NBPF12: variants seen among roughly 807,000 people sequenced by gnomAD.
NBPF12 encodes the protein NBPF family member NBPF12.
Under a neutral mutation model 146.4 loss-of-function variants are expected in NBPF12, and 115 were observed. The observed-to-expected ratio is 0.79, with a 90% CI of 0.68 to 0.92. NBPF12 has a LOEUF of 0.92. Ranked by LOEUF, NBPF12 falls within the 40% of genes least tolerant of loss-of-function variation. NBPF12 has a pLI of 0.00. For missense variants in NBPF12, 1,205 were observed against 1,326.8 expected, an observed-to-expected ratio of 0.91 and a Z score of 1.43; for synonymous variants, 385 against 508.9, an observed-to-expected ratio of 0.76 and a Z score of 3.28.
chr1:146,970,827 G>A (rs1656559098), intron 12 of NBPF12, 108 bp downstream of exon 15: 2 of 1,087,080 alleles, frequency 1.8e-6, no homozygotes, highest in South Asian at 2.5e-5. Context: ...CATTCCCTTG[G>A]CCACAGTATG....
chr1:146,981,619 A>T (rs1284050664), intron 19 of NBPF12, among the ~76,000 whole-genome samples: 2 of 151,886 alleles, frequency 1.3e-5, no homozygotes, highest in African/African-American at 4.9e-5. Context: ...AGGTTGGGGA[A>T]GTCCTCCTGG....
At chr1:146,941,799 G>T (rs1274228862) in intron 1 of NBPF12, among the ~76,000 whole-genome samples, 8 of 142,156 alleles carry the variant, frequency 5.6e-5, no homozygotes, top group Admixed American at 3.5e-4. Flanking sequence ...AGAAATCAAT[G>T]CCTAGCCTAA....
chr1:146,958,318 T>C (rs1655698670), intron 2 of NBPF12, among the ~76,000 whole-genome samples: 1 of 133,634 alleles, frequency 7.5e-6, no homozygotes, highest in African/African-American at 2.6e-5. Context: ...TAAAACGATT[T>C]TGAGTGAAAT....
Position 146,971,404 on chromosome 1 carries a change from A to T in NBPF12, c.1591+10A>T. 6.2e-7 allele frequency: 1 copy of T among 1,605,906 alleles called. No homozygotes were observed. The highest frequency in any genetic ancestry group is 8.5e-7 in the Non-Finnish European group (1 of 1,175,586). The stretch of plus-strand genomic sequence containing the variant: ...CTAAACATTCTCCCAGGTAGCCTCT[A>T]TTTTCCTTGTGTCTCATACCTCTGT... On this transcript the variant is annotated intron_variant, in intron 13 of 33. Transcript: ENST00000617844.
chr1:146,983,074 T>G, exon 20 of NBPF12: 1 of 1,602,830 alleles, frequency 6.2e-7, no homozygotes, highest in Non-Finnish European at 8.5e-7. Context: ...CAAGTCTGCA[T>G]GGCTGTTGAC....
chr1:146,987,790 G>C (rs1657886437), intron 25 of NBPF12, among the ~76,000 whole-genome samples, 164 bp from the exon 29 acceptor site: 1 of 151,808 alleles, frequency 6.6e-6, no homozygotes, highest in Non-Finnish European at 1.5e-5. Flanking sequence ...TTTTCCATTT[G>C]GCCCTGTTCT....
intron 9 of NBPF12, among the ~76,000 whole-genome samples, chr1:146,967,384 A>T (rs1334803506): frequency 7.3e-5 from 11 of 150,522 alleles, no homozygotes; most frequent in African/African-American, 2.7e-4. Context: ...GACTGTAATC[A>T]CTCCTGCTCA....
In NBPF12 at chr1:146,965,010, A is replaced by C. The variant is rs1553885421; in HGVS notation, c.684A>C (p.Lys228Asn). Reference sequence around the variant, plus strand: ...CCATCCAGCCTCACAAGAACATCAAAATCACATTTGAGGAAGACAAAGTCA... The same window carrying C: ...CCATCCAGCCTCACAAGAACATCAACATCACATTTGAGGAAGACAAAGTCA... Residue 228 changes from lysine to asparagine, a missense_variant, in exon 8 of 34, where the codon AAA (lysine) becomes AAC (asparagine). Around this residue, in one of 16 missense-constraint regions of NBPF12, gnomAD observed 325 missense variants for 236.6 expected, o/e 1.37. Coordinates refer to ENST00000617844, the Ensembl canonical transcript of NBPF12. 4.4e-6 allele frequency: 7 copies of C among 1,608,578 alleles called. 1 individual carries two copies. The African/African-American group carries it at 7.0e-5, about 16-fold the overall frequency.
At chr1:146,966,996 T>C (rs1656253318) in intron 9 of NBPF12, among the ~76,000 whole-genome samples, 1 of 151,170 alleles carries the variant, frequency 6.6e-6, no homozygotes, top group South Asian at 2.1e-4. Flanking sequence ...CATAAGATCC[T>C]GCAGACAAAT....
At chr1:146,984,268 A>T in intron 21 of NBPF12, 83 bp downstream of exon 24, 1 of 834,114 alleles carries the variant, frequency 1.2e-6, no homozygotes, top group Non-Finnish European at 2.1e-6. Flanking sequence ...CACGCTGAAA[A>T]TAATGATTTT....
chr1:146,978,629 A>G (rs1657199591), intron 18 of NBPF12, among the ~76,000 whole-genome samples: 5 of 151,814 alleles, frequency 3.3e-5, no homozygotes, highest in African/African-American at 4.9e-5. Context: ...ACCTGGTGAT[A>G]TAAGTCCGTA....
At chr1:146,962,096 TA>T (rs1655886831) in intron 4 of NBPF12, 64 bp from the exon 8 acceptor site, 1 of 1,513,350 alleles carries the variant, frequency 6.6e-7, no homozygotes, top group African/African-American at 1.4e-5. Context: ...TCCTGCCCTG[TA>T]GGCAGTGACC....
chr1:146,965,372 T>C (rs1430622686), intron 8 of NBPF12, among the ~76,000 whole-genome samples: 1 of 151,356 alleles, frequency 6.6e-6, no homozygotes, highest in Non-Finnish European at 1.5e-5. Context: ...TGGTGCTGCG[T>C]GCCTATAGTC....
At chr1:146,976,637 G>A (rs1657050765) in intron 16 of NBPF12, among the ~76,000 whole-genome samples, 1 of 151,186 alleles carries the variant, frequency 6.6e-6, no homozygotes, top group African/African-American at 2.5e-5. Flanking sequence ...GCAGGATGGG[G>A]GAGACAGCTG....
At chr1:146,945,082 CCCTT>C (rs1179419393), upstream of NBPF12, among the ~76,000 whole-genome samples, 1 of 133,628 alleles carries the variant, frequency 7.5e-6, no homozygotes, top group East Asian at 2.3e-4. Context: ...CTTCCTCCCT[CCCTT>C]CCTCCCTCCT....
rs1445143739 is a variant in NBPF12, at chr1:146,980,973, C to T, written c.2451-1955C>T. On this transcript the variant is annotated intron_variant, in intron 19 of 33. Transcript: ENST00000617844. ...CTATAAAAAATGATGAGTTCATGTCCTTTGTAGGGGCATGGATGAAGCTGG... is the reference window on the plus strand; with the variant it reads ...CTATAAAAAATGATGAGTTCATGTCTTTTGTAGGGGCATGGATGAAGCTGG... Among the ~76,000 whole-genome samples, 7 of 133,812 alleles carry T rather than the reference C, an allele frequency of 5.2e-5. 1 individual carries two copies. The highest frequency in any genetic ancestry group is 2.7e-4 in the South Asian group (1 of 3,742). 87.8% of individuals were successfully genotyped at this position (133,812 alleles called of 152,430 possible).
At chr1:146,981,533 C>T (rs1224672499) in intron 19 of NBPF12, among the ~76,000 whole-genome samples, 402 of 147,674 alleles carry the variant, frequency 2.7e-3, no homozygotes, top group African/African-American at 9.2e-3. Context: ...TTATGTGTCC[C>T]GGGGTTGCTC....
At chr1:146,944,008 G>T (rs1173436683) in intron 2 of NBPF12, among the ~76,000 whole-genome samples, 3 of 126,820 alleles carry the variant, frequency 2.4e-5, no homozygotes, top group African/African-American at 9.5e-5. Context: ...TGGGTGGGGA[G>T]ATGTGTGTGG....
intron 13 of NBPF12, among the ~76,000 whole-genome samples, chr1:146,971,923 CAAAA>C (rs1183344325): frequency 5.8e-5 from 8 of 138,588 alleles, no homozygotes; most frequent in African/African-American, 5.6e-5. Flanking sequence ...ACTAAAAATA[CAAAA>C]AAAAAAAAAA....
Sources: gnomAD v4.1 joint callset for allele counts (sites outside exome capture counted in the v4.1 genomes callset) on GRCh38, gnomAD v4.1.1 for gene constraint, gnomAD v4.1.1 regional missense constraint, MANE v1.5 for transcripts, NCBI Gene and HGNC (gene_info 2026-07-23, HGNC 2026-07-21) for gene names.